HOXC13: variants seen among roughly 807,000 people sequenced by gnomAD.
The protein encoded by HOXC13 is homeobox protein Hox-C13.
Under a neutral mutation model 25.9 loss-of-function variants are expected in HOXC13, and 10 were observed. That is an observed-to-expected ratio of 0.39 (90% CI 0.24 to 0.65). The LOEUF is 0.65. Among genes scored for constraint, HOXC13 ranks in the 30% least tolerant of loss-of-function variants. The pLI, the probability that HOXC13 is intolerant of heterozygous loss-of-function variation, is 0.50. For synonymous variants in HOXC13, 233 were observed against 217.1 expected (o/e 1.07, Z -0.64); for missense variants, 439 against 478.3 (o/e 0.92, Z 0.77).
rs114528288 is a variant in HOXC13, at chr12:53,946,203, G to C, written c.*947G>C. ...TCCATCAGGGCACTAGCCCAGGAAT[G>C]ACTCCTCACACTTTCACCTTTACTG... On this transcript the variant is annotated 3_prime_UTR_variant, in exon 2 of 2. Transcript: ENST00000243056. 5,759 of 229,444 alleles carry C rather than the reference G, an allele frequency of 0.025. 297 individuals are homozygous for C. Among genetic ancestry groups the C allele is most frequent in the African/African-American group, 0.12 (5,270 of 45,222 alleles). The allele number at this position is 229,444 out of a possible 1,614,324, so 14.2% of individuals were successfully genotyped here. A position where few individuals can be genotyped will look rare whatever the true frequency, so the allele number is the denominator to read the frequency against.
At chr12:53,942,883 T>A (rs1446897057) in intron 1 of HOXC13, among the ~76,000 whole-genome samples, 2 of 152,212 alleles carry the variant, frequency 1.3e-5, no homozygotes, top group Non-Finnish European at 2.9e-5. Flanking sequence ...TGATTTTTTT[T>A]AGGGTTGATT....
intron 1 of HOXC13, among the ~76,000 whole-genome samples, chr12:53,942,412 G>T (rs1445382852): frequency 6.6e-6 from 1 of 151,560 alleles, no homozygotes; most frequent in South Asian, 2.1e-4. Flanking sequence ...CCTGTGGGGG[G>T]GCGGGTGGTC....
chr12:53,938,939 G>C lies in HOXC13; in HGVS notation c.33G>C (p.Trp11Cys), dbSNP rs1938560521. 1 of 1,560,482 alleles carries C rather than the reference G, an allele frequency of 6.4e-7. No individual in the cohort carries two copies. The highest frequency in any genetic ancestry group is 8.6e-7 in the Non-Finnish European group (1 of 1,160,292). The change falls in exon 1 of 2, where the codon TGG becomes TGC. Residue 11 changes from tryptophan to cysteine, a missense_variant. Trp to Cys is a radical substitution (Grantham distance 215, BLOSUM62 -2). Coordinates refer to ENST00000243056, the MANE Select transcript of HOXC13 (RefSeq NM_017410.3). MTTSLLLHPR[W>C]PESLMYVYED... ...CTTCGCTGCTCCTGCATCCACGCTG[G>C]CCGGAGAGCCTTATGTACGTCTATG...
rs1470777937 is a variant in HOXC13, at chr12:53,939,177, G to A, written c.271G>A (p.Ala91Thr). The change falls in exon 1 of 2, where the codon GCC becomes ACC. Residue 91 changes from alanine to threonine, a missense_variant. Coordinates refer to ENST00000243056, the MANE Select transcript of HOXC13 (RefSeq NM_017410.3). This position sits in a 1 kb window ranked among gnomAD's most constrained non-coding sequence, Gnocchi z 6.7. The part of the protein sequence containing the change: ...PPAPLGAPQG[A>T]VYTDIPAPEA... ...GGCTCCCCTGGGCGCCCCTCAGGGC[G>A]CCGTCTATACGGACATCCCGGCCCC... The A allele has an allele frequency of 3.3e-6, 5 of 1,506,326 alleles. No individual in the cohort carries two copies. Among genetic ancestry groups the A allele is most frequent in the East Asian group, 2.6e-5 (1 of 38,492 alleles). The allele number at this position is 1,506,326 out of a possible 1,614,324, so 93.3% of individuals were successfully genotyped here. A position where few individuals can be genotyped will look rare whatever the true frequency, so the allele number is the denominator to read the frequency against.
intron 1 of HOXC13, among the ~76,000 whole-genome samples, chr12:53,943,420 A>C (rs1278892559): frequency 6.6e-6 from 1 of 152,258 alleles, no homozygotes; most frequent in Non-Finnish European, 1.5e-5. Context: ...GTTCAAAAAC[A>C]AATCCTTTTT....
intron 1 of HOXC13, among the ~76,000 whole-genome samples, chr12:53,940,922 G>A (rs150056191): frequency 1.5e-4 from 23 of 152,230 alleles, no homozygotes; most frequent in Middle Eastern, 3.4e-3. Context: ...CTCTGCATAC[G>A]GAATTGGAAG....
intron 1 of HOXC13, among the ~76,000 whole-genome samples, chr12:53,940,247 T>C (rs1592184126): frequency 6.6e-6 from 1 of 152,162 alleles, no homozygotes; most frequent in African/African-American, 2.4e-5. Flanking sequence ...AGATCCAAAA[T>C]CTCTGGAGAG....
At chr12:53,941,143 A>G (rs1271379476) in intron 1 of HOXC13, among the ~76,000 whole-genome samples, 2 of 152,224 alleles carry the variant, frequency 1.3e-5, no homozygotes, top group African/African-American at 4.8e-5. Context: ...ATTGGCTGTA[A>G]TATTTTTATA....
At position 53,939,609 on chromosome 12, in the gene HOXC13, C is replaced by A; in HGVS notation, c.703C>A (p.Gln235Lys). ...GGTGTACTGCTCCAAGGAGCAGTCG[C>A]AGTCCGCCCACCTCTGGAAGTCTCC... The part of the protein sequence containing the change: ...SQVYCSKEQS[Q>K]SAHLWKSPFP... Residue 235 changes from glutamine to lysine, a missense_variant, in exon 1 of 2, where the codon CAG becomes AAG. Physicochemically the swap from Gln to Lys is moderately conservative, Grantham distance 53. Transcript: ENST00000243056. This position sits in a 1 kb window ranked among gnomAD's most constrained non-coding sequence, Gnocchi z 6.7. 1 of 1,522,158 alleles carries A rather than the reference C, an allele frequency of 6.6e-7. No individual in the cohort carries two copies. Among genetic ancestry groups the A allele is most frequent in the Non-Finnish European group, 8.9e-7 (1 of 1,128,868 alleles). The allele number at this position is 1,522,158 out of a possible 1,614,324, so 94.3% of individuals were successfully genotyped here.
Position 53,939,498 on chromosome 12 carries a change from A to G in HOXC13, c.592A>G (p.Ser198Gly), listed in dbSNP as rs374868388. The G allele has an allele frequency of 4.5e-5, 72 of 1,610,428 alleles. No individual in the cohort carries two copies. The East Asian group carries it at 1.2e-3, about 26-fold the overall frequency. Residue 198 changes from serine (S) to glycine (G), a missense_variant, in exon 1 of 2, where the codon AGC becomes GGC. Coordinates refer to ENST00000243056, the MANE Select transcript of HOXC13 (RefSeq NM_017410.3). The surrounding 1 kb of genome is among the most constrained non-coding windows in gnomAD (Gnocchi z 6.7). The stretch of plus-strand genomic sequence containing the variant: ...GGACGTGTCGGTGGTGCCCGGGATC[A>G]GCGGGCACCCGGAGCCGCGTCACGA... The part of the protein sequence containing the change: ...YLDVSVVPGI[S>G]GHPEPRHDAL...
intron 1 of HOXC13, among the ~76,000 whole-genome samples, chr12:53,944,162 G>A (rs1427106919): frequency 6.6e-6 from 1 of 152,144 alleles, no homozygotes; most frequent in East Asian, 1.9e-4. Context: ...AACAGAATTT[G>A]TTCTGTTTTG....
rs529031755 is a variant in HOXC13, at chr12:53,939,726, C to T, written c.736+84C>T. On this transcript the variant is annotated intron_variant, in intron 1 of 1. Coordinates refer to ENST00000243056, the MANE Select transcript of HOXC13 (RefSeq NM_017410.3). The surrounding 1 kb of genome is among the most constrained non-coding windows in gnomAD (Gnocchi z 6.7). ...CGGGGCTCCGCGCCCCAACCACCCC[C>T]GCCGTCTGGCCCCGGCGCGCCCGCT... 4.4e-3 allele frequency: 5,570 copies of T among 1,257,044 alleles called. 20 individuals carry two copies. The highest frequency in any genetic ancestry group is 5.3e-3 in the Non-Finnish European group (5,282 of 999,534). The allele number at this position is 1,257,044 out of a possible 1,614,324, so 77.9% of individuals were successfully genotyped here. A position where few individuals can be genotyped will look rare whatever the true frequency, so the allele number is the denominator to read the frequency against.
Position 53,939,059 on chromosome 12 carries a change from C to T in HOXC13, c.153C>T (p.Pro51=), listed in dbSNP as rs1311893379. The change falls in exon 1 of 2, where the codon CCC becomes CCT. Residue 51 remains proline, a synonymous_variant. Transcript: ENST00000243056. The surrounding 1 kb of genome is among the most constrained non-coding windows in gnomAD (Gnocchi z 6.7). ...GAGGGCSGAS[P]GKAPSMDGLG... is the part of the protein sequence containing the mutation. Reference sequence around the variant, plus strand: ...GGGGTGGCTGCAGCGGAGCGAGCCCCGGCAAAGCCCCGAGCATGGATGGTC... The same window carrying T: ...GGGGTGGCTGCAGCGGAGCGAGCCCTGGCAAAGCCCCGAGCATGGATGGTC... 1.4e-6 allele frequency: 2 copies of T among 1,435,404 alleles called. No individual in the cohort carries two copies. The highest frequency in any genetic ancestry group is 1.8e-6 in the Non-Finnish European group (2 of 1,104,624). 88.9% of individuals were successfully genotyped at this position (1,435,404 alleles called of 1,614,324 possible). A position where few individuals can be genotyped will look rare whatever the true frequency, so the allele number is the denominator to read the frequency against.
At chr12:53,944,804 G>A (rs987167334) in intron 1 of HOXC13, among the ~76,000 whole-genome samples, 196 bp from the exon 2 acceptor site, 7 of 151,994 alleles carry the variant, frequency 4.6e-5, no homozygotes, top group African/African-American at 9.7e-5. Context: ...CTTAAACTTC[G>A]AGCCCAGTGG....
chr12:53,939,661 C>G lies in HOXC13; in HGVS notation c.736+19C>G. On this transcript the variant is annotated intron_variant, in intron 1 of 1. Transcript: ENST00000243056. This position sits in a 1 kb window ranked among gnomAD's most constrained non-coding sequence, Gnocchi z 6.7. The stretch of plus-strand genomic sequence containing the variant: ...TTCCCAGGTAAGGAAGGGACCCGAG[C>G]GCCGCCGCCGCCGGGGACCCCTCCC... 1 of 1,360,980 alleles carries G rather than the reference C, an allele frequency of 7.3e-7. No individual in the cohort carries two copies. Among genetic ancestry groups the G allele is most frequent in the Non-Finnish European group, 9.5e-7 (1 of 1,053,844 alleles). 84.3% of individuals were successfully genotyped at this position (1,360,980 alleles called of 1,614,324 possible). A position where few individuals can be genotyped will look rare whatever the true frequency, so the allele number is the denominator to read the frequency against.
rs1938677462 is a variant in HOXC13, at chr12:53,945,380, G to C, written c.*124G>C. The C allele has an allele frequency of 8.3e-7, 1 of 1,202,962 alleles. No homozygotes were observed. The allele number at this position is 1,202,962 out of a possible 1,614,324, so 74.5% of individuals were successfully genotyped here. A position where few individuals can be genotyped will look rare whatever the true frequency, so the allele number is the denominator to read the frequency against. On this transcript the variant is annotated 3_prime_UTR_variant, in exon 2 of 2. Coordinates refer to ENST00000243056, the MANE Select transcript of HOXC13 (RefSeq NM_017410.3). The surrounding 1 kb of genome is among the most constrained non-coding windows in gnomAD (Gnocchi z 4.4). ...GTTAAGGAAAGAGAAGAACCGCGCC[G>C]CCCGGAGGCAGAGAGGCTCCATGGC...
chr12:53,941,097 A>G lies in HOXC13; in HGVS notation c.736+1455A>G, dbSNP rs112736449. Among the ~76,000 whole-genome samples, 137 of 152,328 alleles carry G rather than the reference A, an allele frequency of 9.0e-4. 1 individual carries two copies. The highest frequency in any genetic ancestry group is 3.2e-3 in the African/African-American group (131 of 41,570). On this transcript the variant is annotated intron_variant, in intron 1 of 1. Coordinates refer to ENST00000243056, the MANE Select transcript of HOXC13 (RefSeq NM_017410.3). ...GATTGCCAGAATTAAGGATGGTGCAATTTTAGTACATGGTATTATGCATCA... is the reference window on the plus strand; with the variant it reads ...GATTGCCAGAATTAAGGATGGTGCAGTTTTAGTACATGGTATTATGCATCA...
Position 53,946,259 on chromosome 12 carries a change from C to G in HOXC13, c.*1003C>G, listed in dbSNP as rs1938691875. 2 of 227,536 alleles carry G rather than the reference C, an allele frequency of 8.8e-6. No individual in the cohort carries two copies. Among genetic ancestry groups the G allele is most frequent in the Non-Finnish European group, 1.8e-5 (2 of 114,232 alleles). 14.1% of individuals were successfully genotyped at this position (227,536 alleles called of 1,614,324 possible). Reference sequence around the variant, plus strand: ...CAGAGGAAAGCTAGAGGATCTAGTTCAAGAGGCAAGAAGATCTGGCCCTCA... The same window carrying G: ...CAGAGGAAAGCTAGAGGATCTAGTTGAAGAGGCAAGAAGATCTGGCCCTCA... On this transcript the variant is annotated 3_prime_UTR_variant, in exon 2 of 2. Transcript: ENST00000243056.
chr12:53,943,693 G>T (rs1460236680), intron 1 of HOXC13, among the ~76,000 whole-genome samples: 1 of 152,200 alleles, frequency 6.6e-6, no homozygotes, highest in Non-Finnish European at 1.5e-5. Flanking sequence ...ACCCAATGGG[G>T]ATGGGTACAG....
Sources: allele counts gnomAD v4.1 joint callset (sites outside exome capture counted in the v4.1 genomes callset), GRCh38; gene constraint gnomAD v4.1.1; non-coding constraint Gnocchi (gnomAD v3.1); transcripts MANE v1.5; gene names NCBI Gene and HGNC (gene_info 2026-07-23, HGNC 2026-07-21).